Variants in PEX5L observed in about 807,000 individuals in gnomAD.
PEX5L encodes peroxisomal biogenesis factor 5 like, also known as PEX5-related protein.
PEX5L carries 30 observed loss-of-function variants against 84.0 expected under a neutral mutation model. The ratio of observed to expected loss-of-function variants is 0.36; its 90% confidence interval spans 0.27 to 0.48. The LOEUF (loss-of-function observed/expected upper bound fraction) is 0.48, where lower values mean the gene tolerates loss of function less well. Ranked by LOEUF, PEX5L falls within the 20% of genes least tolerant of loss-of-function variation. PEX5L has a pLI of 0.99. For synonymous variants in PEX5L, 270 were observed against 283.1 expected (o/e 0.95, Z 0.46); for missense variants, 533 against 754.6 (o/e 0.71, Z 3.44).
intron 2 of PEX5L, among the ~76,000 whole-genome samples, chr3:179,933,532 A>G (rs1773703276): frequency 6.6e-6 from 1 of 152,236 alleles, no homozygotes; most frequent in African/African-American, 2.4e-5. Flanking sequence ...TAAAATTCTA[A>G]AAGACATTGG....
intron 8 of PEX5L, among the ~76,000 whole-genome samples, chr3:179,858,112 G>A (rs572455710): frequency 6.6e-6 from 1 of 152,206 alleles, no homozygotes; most frequent in African/African-American, 2.4e-5. Context: ...GGTACTGAAA[G>A]ACCACCCTTT....
chr3:179,926,293 G>A (rs780636396), intron 2 of PEX5L, among the ~76,000 whole-genome samples: 14 of 152,078 alleles, frequency 9.2e-5, no homozygotes, highest in South Asian at 2.1e-4. Flanking sequence ...AGGCAAATCC[G>A]ATTACATCAG....
At chr3:179,923,230 G>C (rs9290685) in intron 2 of PEX5L, among the ~76,000 whole-genome samples, 48,137 of 147,050 alleles carry the variant, frequency 0.33, 7,986 homozygotes, top group African/African-American at 0.34. Flanking sequence ...GGCAGAGCTT[G>C]CAGTGAGTCG....
At chr3:179,824,783 A>G (rs2109019728) in intron 8 of PEX5L, among the ~76,000 whole-genome samples, 1 of 152,220 alleles carries the variant, frequency 6.6e-6, no homozygotes, top group South Asian at 2.1e-4. Flanking sequence ...AGTTTGGATT[A>G]AAAATTTGCC....
chr3:179,827,384 C>T (rs192536988), intron 8 of PEX5L, among the ~76,000 whole-genome samples: 25 of 152,234 alleles, frequency 1.6e-4, no homozygotes, highest in East Asian at 9.7e-4. Context: ...AGGGATGTCT[C>T]GAGTAACTAC....
At chr3:180,008,911 T>C (rs1789173285) in intron 1 of PEX5L, among the ~76,000 whole-genome samples, 1 of 152,224 alleles carries the variant, frequency 6.6e-6, no homozygotes. Flanking sequence ...TTCATTCAGC[T>C]CAAACAGTTC....
chr3:179,883,312 A>G lies in PEX5L; in HGVS notation c.311-3189T>C, dbSNP rs1421733963. 2.6e-5 allele frequency among the ~76,000 whole-genome samples: 4 copies of G among 152,100 alleles called. No homozygotes were observed. The East Asian group carries it at 7.7e-4, about 29-fold the overall frequency. On this transcript the variant is annotated intron_variant, in intron 4 of 14. Transcript: ENST00000467460. ...AGAGGATGTCGCTGACTTCACTTCT[A>G]TTTGCTGTAGCAGGGGGATTTCCAG...
intron 3 of PEX5L, among the ~76,000 whole-genome samples, chr3:179,893,023 T>C (rs560735210): frequency 6.6e-6 from 1 of 152,254 alleles, no homozygotes; most frequent in African/African-American, 2.4e-5. Context: ...AACTCTTTTG[T>C]TTAGAAGTAA....
chr3:179,900,831 AC>A (rs1358036129), intron 2 of PEX5L: 1 of 756,232 alleles, frequency 1.3e-6, no homozygotes, highest in Non-Finnish European at 2.2e-6. Context: ...CATGAGCGTC[AC>A]TGTTTTACAA....
intron 9 of PEX5L, among the ~76,000 whole-genome samples, chr3:179,818,287 A>AT (rs1446614754): frequency 6.6e-6 from 1 of 151,654 alleles, no homozygotes; most frequent in Non-Finnish European, 1.5e-5. Flanking sequence ...TTAATTTTTA[A>AT]TTTTTGTGGG....
chr3:179,822,224 C>T (rs753572031), intron 8 of PEX5L, among the ~76,000 whole-genome samples: 2 of 152,204 alleles, frequency 1.3e-5, no homozygotes, highest in Admixed American at 6.5e-5. Flanking sequence ...AAGGCAAATA[C>T]ATTCATCTAG....
At position 179,815,865 on chromosome 3, in the gene PEX5L, G is replaced by A; in HGVS notation, c.1079C>T (p.Ala360Val). 1 of 1,613,972 alleles carries A rather than the reference G, an allele frequency of 6.2e-7. No homozygotes were observed. Among genetic ancestry groups the A allele is most frequent in the Non-Finnish European group, 8.5e-7 (1 of 1,179,870 alleles). Residue 360 changes from alanine (A) to valine (V), a missense_variant, in exon 10 of 15, where the codon GCA becomes GTA. Around this residue, in one of 8 missense-constraint regions of PEX5L, gnomAD observed 32 missense variants for 45.5 expected, o/e 0.70. Coordinates refer to ENST00000467460, the MANE Select transcript of PEX5L (RefSeq NM_016559.3). ...AGAATGAAGGGAGAATGACACCTCT[G>A]CATCTCCAGGGTCCTGAAGAATTGC... Reference protein sequence around the residue: ...EAAILQDPGDAEAWQFLGITQ... With the variant: ...EAAILQDPGDVEAWQFLGITQ...
In PEX5L at chr3:179,816,009, A is replaced by G; in HGVS notation, c.940-5T>C. ...TTCAGTGTGAAAGTAATATCCCTGCAACACAGAAAAAGGCCAGTGCATGAG... is the reference window on the plus strand; with the variant it reads ...TTCAGTGTGAAAGTAATATCCCTGCGACACAGAAAAAGGCCAGTGCATGAG... On this transcript the variant is annotated splice_polypyrimidine_tract_variant and splice_region_variant and intron_variant, in intron 9 of 14. Coordinates refer to ENST00000467460, the MANE Select transcript of PEX5L (RefSeq NM_016559.3). The G allele has an allele frequency of 6.2e-7, 1 of 1,614,022 alleles. No individual in the cohort carries two copies.
chr3:179,801,039 A>T lies in PEX5L; in HGVS notation c.*789T>A, dbSNP rs761597244. On this transcript the variant is annotated 3_prime_UTR_variant, in exon 15 of 15. Coordinates refer to ENST00000467460, the MANE Select transcript of PEX5L (RefSeq NM_016559.3). Reference sequence around the variant, plus strand: ...TCATCGTATCTGCTTTAAGAAAAACACTTCTTCAAAATCCTACACTATGAA... The same window carrying T: ...TCATCGTATCTGCTTTAAGAAAAACTCTTCTTCAAAATCCTACACTATGAA... 3 of 152,610 alleles carry T rather than the reference A, an allele frequency of 2.0e-5. No homozygotes were observed. Among genetic ancestry groups the T allele is most frequent in the Non-Finnish European group, 2.9e-5 (2 of 68,040 alleles). 9.5% of individuals were successfully genotyped at this position (152,610 alleles called of 1,614,324 possible).
At chr3:179,907,353 C>T (rs1027748866) in intron 2 of PEX5L, among the ~76,000 whole-genome samples, 2 of 152,094 alleles carry the variant, frequency 1.3e-5, no homozygotes, top group Admixed American at 6.5e-5. Flanking sequence ...GTCTCTGTTG[C>T]CCAGGCTGAA....
intron 1 of PEX5L, among the ~76,000 whole-genome samples, chr3:179,986,360 T>C (rs2110349754): frequency 6.6e-6 from 1 of 151,688 alleles, no homozygotes; most frequent in African/African-American, 2.4e-5. Flanking sequence ...TTCCTTGGTT[T>C]CCAAATGAGG....
chr3:179,831,331 A>T (rs957545578), intron 8 of PEX5L, among the ~76,000 whole-genome samples: 1 of 152,060 alleles, frequency 6.6e-6, no homozygotes, highest in Non-Finnish European at 1.5e-5. Flanking sequence ...AAAAAAAAAA[A>T]AAAACCTACA....
intron 8 of PEX5L, among the ~76,000 whole-genome samples, chr3:179,844,522 G>C (rs1738516616): frequency 6.6e-6 from 1 of 152,178 alleles, no homozygotes; most frequent in Non-Finnish European, 1.5e-5. Context: ...AGACAAGGAA[G>C]CGGTTAACTT....
chr3:179,877,818 A>G (rs995379692), intron 5 of PEX5L, among the ~76,000 whole-genome samples: 2 of 151,498 alleles, frequency 1.3e-5, no homozygotes, highest in Non-Finnish European at 2.9e-5. Context: ...GTACAACTGA[A>G]TAAACCTAGA....
Sources: gnomAD v4.1 joint callset for allele counts (sites outside exome capture counted in the v4.1 genomes callset) on GRCh38, gnomAD v4.1.1 for gene constraint, gnomAD v4.1.1 regional missense constraint, MANE v1.5 for transcripts, NCBI Gene and HGNC (gene_info 2026-07-23, HGNC 2026-07-21) for gene names.